SAMD3: variants seen among roughly 807,000 people sequenced by gnomAD.
The protein encoded by SAMD3 is sterile alpha motif domain-containing protein 3.
In SAMD3, 63 loss-of-function variants were observed where a neutral mutation model predicts 58.5. The ratio of observed to expected loss-of-function variants is 1.08; its 90% CI spans 0.88 to 1.33. SAMD3 has a LOEUF of 1.33. SAMD3 is among the 40% of genes most tolerant of loss of function. The probability of loss-of-function intolerance (pLI) is 0.00; values close to 1 mark genes in which losing one functional copy is unlikely to be tolerated. For missense variants in SAMD3, 604 were observed against 608.4 expected, an observed-to-expected ratio of 0.99 and a Z score of 0.08; for synonymous variants, 220 against 210.3, an observed-to-expected ratio of 1.05 and a Z score of -0.40.
intron 2 of SAMD3, 31 bp from the exon 3 acceptor site, chr6:130,215,325 G>T: frequency 2.8e-6 from 4 of 1,419,544 alleles, no homozygotes; most frequent in Non-Finnish European, 2.9e-6. Context: ...GAATTCTCCA[G>T]CTTTTCTTTC....
chr6:130,145,404 G>A lies in SAMD3; in HGVS notation c.1214C>T (p.Thr405Ile). 1 of 1,611,014 alleles carries A rather than the reference G, an allele frequency of 6.2e-7. No individual in the cohort carries two copies. The highest frequency in any genetic ancestry group is 8.5e-7 in the Non-Finnish European group (1 of 1,177,898). Reference sequence around the variant, plus strand: ...AAAAACATCTGGGAGGAGTAAACATGTGGCTGTCATCTTCATGTCTGTCAA... The same window carrying A: ...AAAAACATCTGGGAGGAGTAAACATATGGCTGTCATCTTCATGTCTGTCAA... ...DMLKYMKMTA[T>I]CLLLPDVFGD... The change falls in exon 11 of 12, where the codon ACA becomes ATA. Residue 405 changes from threonine to isoleucine, a missense_variant. Coordinates refer to ENST00000439090, the MANE Select transcript of SAMD3 (RefSeq NM_001017373.4).
At chr6:130,213,581 C>CA (rs1190944276) in intron 4 of SAMD3, among the ~76,000 whole-genome samples, 1 of 151,894 alleles carries the variant, frequency 6.6e-6, no homozygotes, top group Non-Finnish European at 1.5e-5. Context: ...AGAAACCCTT[C>CA]AAAAAAATCT....
At position 130,180,759 on chromosome 6, in the gene SAMD3, T is replaced by C. The variant is rs79476001; in HGVS notation, c.654+3344A>G. Reference sequence around the variant, plus strand: ...CAGAGTGCTACTCACACCTAGTGGGTGCCAGGGATGCTACTAAATATACTT... The same window carrying C: ...CAGAGTGCTACTCACACCTAGTGGGCGCCAGGGATGCTACTAAATATACTT... On this transcript the variant is annotated intron_variant, in intron 7 of 11. Coordinates refer to ENST00000439090, the MANE Select transcript of SAMD3 (RefSeq NM_001017373.4). Among the ~76,000 whole-genome samples the C allele has an allele frequency of 2.0e-5, 3 of 152,212 alleles. No individual in the cohort carries two copies. The East Asian group carries it at 5.8e-4, about 29-fold the overall frequency.
At chr6:130,223,801 G>A (rs1796305051), upstream of SAMD3, among the ~76,000 whole-genome samples, 1 of 152,210 alleles carries the variant, frequency 6.6e-6, no homozygotes, top group African/African-American at 2.4e-5. Context: ...ACCTAGGGTT[G>A]AGTGTTTACA....
chr6:130,296,656 C>T (rs1775580385), intron 2 of SAMD3, among the ~76,000 whole-genome samples: 1 of 152,156 alleles, frequency 6.6e-6, no homozygotes, highest in African/African-American at 2.4e-5. Context: ...CAAAGCCCAA[C>T]TCCCCATCCC....
At chr6:130,145,263 T>TATAA (rs1383123183) in intron 11 of SAMD3, 77 bp downstream of exon 11, 25 of 716,842 alleles carry the variant, frequency 3.5e-5, no homozygotes, top group Non-Finnish European at 4.8e-5. Flanking sequence ...ATCTCAAAAA[T>TATAA]ATAAGTAAAT....
At chr6:130,256,833 C>T (rs1773942799) in intron 2 of SAMD3, among the ~76,000 whole-genome samples, 1 of 152,178 alleles carries the variant, frequency 6.6e-6, no homozygotes, top group African/African-American at 2.4e-5. Context: ...AATTTTCTAT[C>T]ACTTTGTGAG....
intron 5 of SAMD3, 69 bp from the exon 6 acceptor site, chr6:130,184,692 T>A (rs944869424): frequency 2.3e-6 from 3 of 1,305,414 alleles, no homozygotes; most frequent in Admixed American, 2.5e-5. Context: ...ATTTGCTACA[T>A]CCTGAGAACT....
chr6:130,331,646 G>C (rs1263906490), intron 1 of SAMD3, among the ~76,000 whole-genome samples: 2 of 152,324 alleles, frequency 1.3e-5, no homozygotes, highest in African/African-American at 4.8e-5. Flanking sequence ...TTGAACCCGG[G>C]AGGCCGAGGT....
At position 130,215,963 on chromosome 6, in the gene SAMD3, T is replaced by C. The variant is rs140094345; in HGVS notation, c.-22+608A>G. The C allele has an allele frequency of 4.4e-4, 331 of 753,960 alleles. 1 individual carries two copies. In the African/African-American group the frequency reaches 4.8e-3, roughly 11 times the overall value. The allele number at this position is 753,960 out of a possible 1,614,324, so 46.7% of individuals were successfully genotyped here. On this transcript the variant is annotated intron_variant, in intron 2 of 11. Coordinates refer to ENST00000439090, the MANE Select transcript of SAMD3 (RefSeq NM_001017373.4). Reference sequence around the variant, plus strand: ...TACCCCTCTGAGTTCTAGAACTTTTTTGGACACTGTTATGATTGGTAAGAT... The same window carrying C: ...TACCCCTCTGAGTTCTAGAACTTTTCTGGACACTGTTATGATTGGTAAGAT...
intron 2 of SAMD3, among the ~76,000 whole-genome samples, chr6:130,241,272 G>A (rs764691998): frequency 4.1e-5 from 6 of 144,684 alleles, no homozygotes; most frequent in African/African-American, 7.8e-5. Context: ...GTGCAATGGC[G>A]CAGTCTCGGC....
intron 5 of SAMD3, among the ~76,000 whole-genome samples, chr6:130,200,589 G>T (rs1409134408): frequency 6.6e-6 from 1 of 150,882 alleles, no homozygotes; most frequent in Admixed American, 6.6e-5. Flanking sequence ...GGGGAATGAG[G>T]CATGACATGC....
intron 2 of SAMD3, among the ~76,000 whole-genome samples, chr6:130,306,229 A>G (rs1775906737): frequency 6.6e-6 from 1 of 152,236 alleles, no homozygotes; most frequent in African/African-American, 2.4e-5. Context: ...TTATTTAAGC[A>G]CTAAATTAAT....
intron 4 of SAMD3, among the ~76,000 whole-genome samples, chr6:130,210,980 C>T (rs1462913359): frequency 1.3e-5 from 2 of 151,886 alleles, no homozygotes; most frequent in African/African-American, 4.8e-5. Flanking sequence ...ATTAGCTGGG[C>T]ATGGTGGCAT....
At chr6:130,159,849 T>C (rs1464842257) in intron 8 of SAMD3, 1 of 151,758 alleles carries the variant, frequency 6.6e-6, no homozygotes, top group Non-Finnish European at 1.5e-5. Flanking sequence ...GAACAGACAC[T>C]TTACAGAGGA....
At chr6:130,159,346 A>C (rs899605598) in intron 8 of SAMD3, among the ~76,000 whole-genome samples, 1 of 152,182 alleles carries the variant, frequency 6.6e-6, no homozygotes, top group African/African-American at 2.4e-5. Context: ...GTGTAACTGT[A>C]AGTTCAATAA....
At chr6:130,353,191 T>C (rs1777731806) in intron 1 of SAMD3, among the ~76,000 whole-genome samples, 2 of 152,232 alleles carry the variant, frequency 1.3e-5, no homozygotes, top group African/African-American at 2.4e-5. Context: ...GGCAGTAGAA[T>C]GATTTGGTCC....
At chr6:130,207,289 C>A (rs1265314208) in intron 5 of SAMD3, among the ~76,000 whole-genome samples, 1 of 152,116 alleles carries the variant, frequency 6.6e-6, no homozygotes, top group Admixed American at 6.5e-5. Flanking sequence ...CCTCCAGGAG[C>A]AGGGCTGGAG....
intron 2 of SAMD3, among the ~76,000 whole-genome samples, chr6:130,239,718 T>TA (rs1381109866): frequency 1.3e-5 from 2 of 152,120 alleles, no homozygotes; most frequent in Non-Finnish European, 2.9e-5. Flanking sequence ...TATTTCTAAG[T>TA]AAAAAAACAC....
Sources: allele counts gnomAD v4.1 joint callset (sites outside exome capture counted in the v4.1 genomes callset), GRCh38; gene constraint gnomAD v4.1.1; transcripts MANE v1.5; gene names NCBI Gene and HGNC (gene_info 2026-07-23, HGNC 2026-07-21).